PRKN: variants seen among roughly 807,000 people sequenced by gnomAD.
The protein encoded by PRKN is E3 ubiquitin-protein ligase parkin.
A neutral mutation model predicts 59.5 loss-of-function variants in PRKN; 56 were observed. That is an observed-to-expected ratio of 0.94 (90% confidence interval 0.76 to 1.18). PRKN has a LOEUF of 1.18. Among genes scored for constraint, PRKN ranks in the 50% most tolerant of loss-of-function variants. PRKN has a pLI of 0.00. For synonymous variants in PRKN, 250 were observed against 222.1 expected (o/e 1.13, Z -1.12); for missense variants, 657 against 596.4 (o/e 1.10, Z -1.06).
At chr6:162,376,633 G>A (rs1342537345) in intron 2 of PRKN, among the ~76,000 whole-genome samples, 2 of 150,948 alleles carry the variant, frequency 1.3e-5, no homozygotes, top group African/African-American at 4.9e-5. Context: ...CTCCCAGACA[G>A]CTTGAATATT....
chr6:162,604,162 G>A (rs1306209605), intron 1 of PRKN, among the ~76,000 whole-genome samples: 6 of 152,136 alleles, frequency 3.9e-5, no homozygotes, highest in African/African-American at 1.4e-4. Context: ...AAAGCTTCAT[G>A]TACTCCTTGT....
At chr6:162,020,332 C>CAAAAA (rs771141235) in intron 5 of PRKN, among the ~76,000 whole-genome samples, 6 of 45,504 alleles carry the variant, frequency 1.3e-4, no homozygotes, top group Admixed American at 8.5e-4. Flanking sequence ...ACCAATGAAT[C>CAAAAA]AAAAAAAAAA....
At chr6:161,580,501 G>A (rs747963783) in intron 7 of PRKN, among the ~76,000 whole-genome samples, 10 of 151,834 alleles carry the variant, frequency 6.6e-5, no homozygotes, top group Non-Finnish European at 1.2e-4. Context: ...TTTTTGACAC[G>A]GAGTCTCGCT....
chr6:162,512,011 A>G (rs1044917822), intron 1 of PRKN, among the ~76,000 whole-genome samples: 6 of 152,176 alleles, frequency 3.9e-5, no homozygotes, highest in Admixed American at 3.3e-4. Flanking sequence ...ATGCTGTGTT[A>G]GTGAAATAGC....
At chr6:162,106,821 C>T (rs1257607240) in intron 4 of PRKN, among the ~76,000 whole-genome samples, 1 of 152,178 alleles carries the variant, frequency 6.6e-6, no homozygotes, top group African/African-American at 2.4e-5. Flanking sequence ...ACACAAGTGT[C>T]ACGATGTTGT....
At chr6:162,182,650 G>GAAAATCTT (rs1783847832) in intron 4 of PRKN, among the ~76,000 whole-genome samples, 1 of 152,218 alleles carries the variant, frequency 6.6e-6, no homozygotes, top group African/African-American at 2.4e-5. Context: ...CCTCGCAGGA[G>GAAAATCTT]TACACGGGAA....
At chr6:162,658,940 T>C (rs765012535) in intron 1 of PRKN, among the ~76,000 whole-genome samples, 13 of 152,256 alleles carry the variant, frequency 8.5e-5, no homozygotes, top group Middle Eastern at 3.4e-3. Flanking sequence ...ACCGATTTTT[T>C]AGTAGTAAAA....
At chr6:162,205,662 T>C (rs1470426070) in intron 3 of PRKN, among the ~76,000 whole-genome samples, 1 of 152,148 alleles carries the variant, frequency 6.6e-6, no homozygotes, top group Non-Finnish European at 1.5e-5. Context: ...AAATATTAAG[T>C]AGAACAATGT....
chr6:162,170,285 A>C (rs1783211911), intron 4 of PRKN, among the ~76,000 whole-genome samples: 1 of 152,216 alleles, frequency 6.6e-6, no homozygotes, highest in African/African-American at 2.4e-5. Context: ...TCAACGTTTT[A>C]AGATCCCGTG....
chr6:161,553,854 C>T (rs946794667), intron 8 of PRKN, among the ~76,000 whole-genome samples: 3 of 152,192 alleles, frequency 2.0e-5, no homozygotes, highest in Non-Finnish European at 4.4e-5. Context: ...GTTTCCATAA[C>T]ATGATCCTGA....
intron 4 of PRKN, among the ~76,000 whole-genome samples, chr6:162,146,215 T>C (rs937499820): frequency 2.0e-5 from 3 of 152,166 alleles, no homozygotes; most frequent in Non-Finnish European, 4.4e-5. Flanking sequence ...CTAAAGATAG[T>C]AGACTAGAGA....
intron 7 of PRKN, among the ~76,000 whole-genome samples, chr6:161,781,739 T>G (rs1790214636): frequency 6.6e-6 from 1 of 152,180 alleles, no homozygotes; most frequent in South Asian, 2.1e-4. Flanking sequence ...ATATGTAACC[T>G]GTCCCTGAAA....
chr6:162,519,558 T>C (rs1030510694), intron 1 of PRKN, among the ~76,000 whole-genome samples: 126 of 152,154 alleles, frequency 8.3e-4, no homozygotes, highest in African/African-American at 2.9e-3. Flanking sequence ...ATGTGAGATT[T>C]TGTATGTGTG....
At chr6:162,107,286 G>A (rs1007848811) in intron 4 of PRKN, among the ~76,000 whole-genome samples, 3 of 152,138 alleles carry the variant, frequency 2.0e-5, no homozygotes, top group Non-Finnish European at 2.9e-5. Flanking sequence ...CCAACATGGC[G>A]AAACCCTGTC....
chr6:161,871,514 G>C lies in PRKN; in HGVS notation c.735-85606C>G, dbSNP rs549616298. Among the ~76,000 whole-genome samples, 18 of 152,196 alleles carry C rather than the reference G, an allele frequency of 1.2e-4. No homozygotes were observed. In the South Asian group the frequency reaches 2.7e-3, roughly 23 times the overall value. The stretch of plus-strand genomic sequence containing the variant: ...AGGATGTTGCACTCTACTTTAAAAA[G>C]TATAATAAAAAGTGTTATATTTTAC... On this transcript the variant is annotated intron_variant, in intron 6 of 11. Transcript: ENST00000366898.
intron 9 of PRKN, among the ~76,000 whole-genome samples, chr6:161,392,515 CTCTCT>C (rs1786557677): frequency 6.6e-6 from 1 of 151,416 alleles, no homozygotes; most frequent in African/African-American, 2.4e-5. Context: ...CTCTCTCTCT[CTCTCT>C]CTCTCTCTCT....
intron 1 of PRKN, among the ~76,000 whole-genome samples, chr6:162,523,951 A>G (rs762578341): frequency 6.6e-6 from 1 of 152,150 alleles, no homozygotes; most frequent in African/African-American, 2.4e-5. Flanking sequence ...AATAAGCACA[A>G]CGGCTAGATT....
chr6:162,718,516 CCTGA>C (rs1244165196), intron 1 of PRKN, among the ~76,000 whole-genome samples: 2 of 152,072 alleles, frequency 1.3e-5, no homozygotes, highest in Non-Finnish European at 2.9e-5. Context: ...TCGAGACCAT[CCTGA>C]CTAACACGGT....
Position 162,256,329 on chromosome 6 carries a change from G to A in PRKN, c.412+6196C>T, listed in dbSNP as rs148879605. On this transcript the variant is annotated intron_variant, in intron 3 of 11. Transcript: ENST00000366898. The stretch of plus-strand genomic sequence containing the variant: ...TGTATGAAATGTTTGGAAGCTACAG[G>A]TCATACAAAATAACACCTTCTATAA... 8.5e-5 allele frequency among the ~76,000 whole-genome samples: 13 copies of A among 152,132 alleles called. No homozygotes were observed. The East Asian group carries it at 2.5e-3, about 29-fold the overall frequency.
Sources: allele counts gnomAD v4.1 joint callset (sites outside exome capture counted in the v4.1 genomes callset), GRCh38; gene constraint gnomAD v4.1.1; transcripts MANE v1.5; gene names NCBI Gene and HGNC (gene_info 2026-07-23, HGNC 2026-07-21).